The following SMYD3 variants were observed in gnomAD, a reference collection of about 807,000 sequenced individuals.
The protein encoded by SMYD3 is histone-lysine N-methyltransferase SMYD3.
A neutral mutation model predicts 57.7 loss-of-function variants in SMYD3; 36 were observed. That is an observed-to-expected ratio of 0.62 (90% CI 0.48 to 0.82). The LOEUF is 0.82. Among genes scored for constraint, SMYD3 ranks in the 40% least tolerant of loss-of-function variants. SMYD3 has a pLI of 0.00. For missense variants in SMYD3, 515 were observed against 538.8 expected (o/e 0.96, Z 0.44); for synonymous variants, 211 against 195.0 (o/e 1.08, Z -0.68).
At chr1:245,959,329 T>A (rs1216573426) in intron 5 of SMYD3, among the ~76,000 whole-genome samples, 1 of 152,214 alleles carries the variant, frequency 6.6e-6, no homozygotes, top group Non-Finnish European at 1.5e-5. Flanking sequence ...GCTCTGTTAT[T>A]CTACGGCTCC....
intron 5 of SMYD3, among the ~76,000 whole-genome samples, chr1:246,008,413 C>CG (rs1291576080): frequency 2.6e-5 from 4 of 152,182 alleles, no homozygotes; most frequent in Admixed American, 2.0e-4. Context: ...TCCTCTCAGC[C>CG]GAGGACTGGC....
At chr1:246,160,541 G>A (rs187816388) in intron 5 of SMYD3, among the ~76,000 whole-genome samples, 6 of 152,298 alleles carry the variant, frequency 3.9e-5, no homozygotes, top group East Asian at 1.9e-4. Flanking sequence ...GCCCAGAGCC[G>A]AAGGATGTTT....
At chr1:246,148,446 T>C (rs2061891255) in intron 5 of SMYD3, among the ~76,000 whole-genome samples, 1 of 152,142 alleles carries the variant, frequency 6.6e-6, no homozygotes. Context: ...CTCTGAGCTG[T>C]TCTGACACTC....
At chr1:246,470,132 T>A (rs2067938163) in intron 1 of SMYD3, among the ~76,000 whole-genome samples, 1 of 152,068 alleles carries the variant, frequency 6.6e-6, no homozygotes, top group African/African-American at 2.4e-5. Context: ...TCATAAAAGA[T>A]GAGAAAAGGC....
intron 1 of SMYD3, among the ~76,000 whole-genome samples, chr1:246,453,707 C>T (rs936563979): frequency 1.3e-5 from 2 of 152,198 alleles, no homozygotes; most frequent in Non-Finnish European, 2.9e-5. Context: ...CCCACCGTTT[C>T]GCCACCTACC....
intron 1 of SMYD3, among the ~76,000 whole-genome samples, chr1:246,379,864 G>T (rs541657755): frequency 6.6e-6 from 1 of 152,096 alleles, no homozygotes; most frequent in Admixed American, 6.5e-5. Flanking sequence ...GTCAGGCATG[G>T]TGACACACAC....
intron 1 of SMYD3, among the ~76,000 whole-genome samples, chr1:246,400,757 G>C (rs1572463703): frequency 6.6e-6 from 1 of 151,812 alleles, no homozygotes; most frequent in Middle Eastern, 3.4e-3. Flanking sequence ...AACAAACAAA[G>C]CAGCCAAGAG....
intron 11 of SMYD3, among the ~76,000 whole-genome samples, chr1:245,759,778 T>A (rs552550893): frequency 1.6e-3 from 238 of 151,438 alleles, no homozygotes; most frequent in Non-Finnish European, 2.2e-3. Flanking sequence ...CAGATTTTTT[T>A]AAAAAAATGG....
At chr1:245,806,875 AGTCC>A (rs2048191224) in intron 10 of SMYD3, among the ~76,000 whole-genome samples, 1 of 131,566 alleles carries the variant, frequency 7.6e-6, no homozygotes, top group African/African-American at 2.9e-5. Flanking sequence ...GCGCCACTGC[AGTCC>A]GCAATCCGGC....
chr1:246,426,677 T>C (rs78454055), intron 1 of SMYD3, among the ~76,000 whole-genome samples: 3,545 of 152,312 alleles, frequency 0.023, 141 homozygotes, highest in African/African-American at 0.08. Flanking sequence ...TTTCCTCCTG[T>C]CAAGTGCTTT....
chr1:245,958,060 G>T (rs1015324314), intron 5 of SMYD3, among the ~76,000 whole-genome samples: 5 of 152,100 alleles, frequency 3.3e-5, no homozygotes, highest in African/African-American at 1.2e-4. Context: ...TTTTCTATCT[G>T]CAATGAGCCC....
At chr1:246,221,444 G>A (rs549173989) in intron 5 of SMYD3, among the ~76,000 whole-genome samples, 23 of 152,300 alleles carry the variant, frequency 1.5e-4, no homozygotes, top group South Asian at 1.4e-3. Flanking sequence ...CCCCTTGCTC[G>A]CCACGTTGTG....
chr1:246,308,853 C>T (rs1283930561), intron 5 of SMYD3, among the ~76,000 whole-genome samples: 1 of 151,986 alleles, frequency 6.6e-6, no homozygotes, highest in African/African-American at 2.4e-5. Context: ...AAAATGGGCA[C>T]CTAAACTAGT....
intron 10 of SMYD3, among the ~76,000 whole-genome samples, chr1:245,851,949 G>A (rs2050996497): frequency 6.6e-6 from 1 of 152,194 alleles, no homozygotes; most frequent in African/African-American, 2.4e-5. Flanking sequence ...TGGAAGCAAT[G>A]AATGGGTCAC....
At chr1:246,241,216 C>T (rs1488923668) in intron 5 of SMYD3, among the ~76,000 whole-genome samples, 3 of 152,122 alleles carry the variant, frequency 2.0e-5, no homozygotes, top group African/African-American at 2.4e-5. Context: ...CAGTATGATA[C>T]TGGCTGTGGG....
At chr1:245,823,665 G>A (rs568296789) in intron 10 of SMYD3, among the ~76,000 whole-genome samples, 68 of 152,258 alleles carry the variant, frequency 4.5e-4, no homozygotes, top group African/African-American at 1.5e-3. Flanking sequence ...CCCACAAGTC[G>A]TTCAATTCAG....
intron 8 of SMYD3, among the ~76,000 whole-genome samples, chr1:245,905,019 G>A (rs1361472468): frequency 1.3e-5 from 2 of 151,776 alleles, no homozygotes; most frequent in Non-Finnish European, 2.9e-5. Flanking sequence ...TGCCTTGAAG[G>A]AAACAACCCA....
intron 10 of SMYD3, among the ~76,000 whole-genome samples, chr1:245,836,027 C>T (rs2050090271): frequency 1.3e-5 from 2 of 152,130 alleles, no homozygotes; most frequent in Non-Finnish European, 2.9e-5. Flanking sequence ...AACCAAGAAC[C>T]CCCACCTCAA....
intron 5 of SMYD3, among the ~76,000 whole-genome samples, chr1:246,253,214 C>A (rs2063824636): frequency 6.6e-6 from 1 of 152,010 alleles, no homozygotes; most frequent in African/African-American, 2.4e-5. Flanking sequence ...ACAAATGAGC[C>A]CATCACCCAG....
Sources: allele counts gnomAD v4.1 joint callset (sites outside exome capture counted in the v4.1 genomes callset), GRCh38; gene constraint gnomAD v4.1.1; transcripts MANE v1.5; gene names NCBI Gene and HGNC (gene_info 2026-07-23, HGNC 2026-07-21).